Variants in GPR148 observed in about 807,000 individuals in gnomAD.
GPR148 encodes the protein G protein-coupled receptor 148.
For synonymous variants in GPR148, 173 were observed against 187.9 expected, an observed-to-expected ratio of 0.92 and a Z score of 0.65; for missense variants, 424 against 435.3, an observed-to-expected ratio of 0.97 and a Z score of 0.23.
At position 130,730,149 on chromosome 2, in the gene GPR148, G is replaced by T; in HGVS notation, c.998G>T (p.Gly333Val). 1 of 1,613,652 alleles carries T rather than the reference G, an allele frequency of 6.2e-7. No individual in the cohort carries two copies. ...RYRQLLGMVR[G>V]HLPSRRHQAI... is the part of the protein sequence containing the mutation. ...CGGCAGCTGTTGGGCATGGTCCGGG[G>T]CCACCTCCCATCCAGGAGGCACCAG... The change falls in exon 1 of 1, where the codon GGC becomes GTC. Residue 333 changes from glycine to valine, a missense_variant. Physicochemically the swap from Gly to Val is moderately radical, Grantham distance 109. Transcript: ENST00000309926.
At position 130,730,221 on chromosome 2, in the gene GPR148, G is replaced by A. The variant is rs1424276782; in HGVS notation, c.*26G>A. On this transcript the variant is annotated 3_prime_UTR_variant, in exon 1 of 1. Transcript: ENST00000309926. ...AGTTCTTGAGTCCACAGTCTGGCAA[G>A]CTGAGGTTAAAAATCATATGTTGAA... 6.4e-7 allele frequency: 1 copy of A among 1,568,114 alleles called. No individual in the cohort carries two copies. Among genetic ancestry groups the A allele is most frequent in the East Asian group, 2.3e-5 (1 of 43,402 alleles).
rs1334026419 is a variant in GPR148, at chr2:130,729,757, C to G, written c.606C>G (p.Ile202Met). ...AQLEEQGASY[I>M]LPPSMGTQPG... ...TGGAGGAGCAAGGAGCTTCATACAT[C>G]CTACCACCAAGCATGGGCACCCAGC... The change falls in exon 1 of 1, where the codon ATC (isoleucine) becomes ATG (methionine). Residue 202 changes from isoleucine to methionine, a missense_variant. Ile to Met is a conservative substitution (Grantham distance 10). Coordinates refer to ENST00000309926, the MANE Select transcript of GPR148 (RefSeq NM_207364.2). 1 of 1,613,918 alleles carries G rather than the reference C, an allele frequency of 6.2e-7. No homozygotes were observed. Among genetic ancestry groups the G allele is most frequent in the African/African-American group, 1.3e-5 (1 of 74,956 alleles).
In GPR148 at chr2:130,729,409, C is replaced by T. The variant is rs1185790961; in HGVS notation, c.258C>T (p.Tyr86=). Residue 86 remains tyrosine (Y), a synonymous_variant, in exon 1 of 1, where the codon TAC becomes TAT. Coordinates refer to ENST00000309926, the MANE Select transcript of GPR148 (RefSeq NM_207364.2). ...AACGGCTGCGACAGGAGCCCCACTA[C>T]CTGCTCCCGGCTAACATCCTGCTCT... ...RNQRLRQEPH[Y]LLPANILLSD... The T allele has an allele frequency of 2.5e-6, 4 of 1,614,274 alleles. No homozygotes were observed. Among genetic ancestry groups the T allele is most frequent in the African/African-American group, 1.3e-5 (1 of 75,078 alleles).
rs77336024 is a variant in GPR148 at position 130,729,427 on chromosome 2, C to T, written c.276C>T (p.Ile92=). Residue 92 remains isoleucine, a synonymous_variant, in exon 1 of 1, where the codon ATC becomes ATT. Coordinates refer to ENST00000309926, the MANE Select transcript of GPR148 (RefSeq NM_207364.2). The part of the protein sequence containing the change: ...QEPHYLLPAN[I]LLSDLAYILL... The stretch of plus-strand genomic sequence containing the variant: ...CCCACTACCTGCTCCCGGCTAACAT[C>T]CTGCTCTCAGACCTGGCCTACATTC... The T allele has an allele frequency of 1.2e-6, 2 of 1,614,276 alleles. No homozygotes were observed. Among genetic ancestry groups the T allele is most frequent in the East Asian group, 2.2e-5 (1 of 44,890 alleles).
At position 130,730,155 on chromosome 2, in the gene GPR148, T is replaced by C. The variant is rs1473108863; in HGVS notation, c.1004T>C (p.Leu335Pro). 3 of 1,613,452 alleles carry C rather than the reference T, an allele frequency of 1.9e-6. No homozygotes were observed. The highest frequency in any genetic ancestry group is 2.5e-6 in the Non-Finnish European group (3 of 1,179,868). The change falls in exon 1 of 1, where the codon CTC becomes CCC. Residue 335 changes from leucine to proline, a missense_variant. Transcript: ENST00000309926. Reference sequence around the variant, plus strand: ...CTGTTGGGCATGGTCCGGGGCCACCTCCCATCCAGGAGGCACCAGGCCATC... The same window carrying C: ...CTGTTGGGCATGGTCCGGGGCCACCCCCCATCCAGGAGGCACCAGGCCATC... ...RQLLGMVRGH[L>P]PSRRHQAIFT...
Position 130,730,168 on chromosome 2 carries a change from G to C in GPR148, c.1017G>C (p.Arg339Ser). The change falls in exon 1 of 1, where the codon AGG becomes AGC. Residue 339 changes from arginine to serine, a missense_variant. Coordinates refer to ENST00000309926, the MANE Select transcript of GPR148 (RefSeq NM_207364.2). Reference protein sequence around the residue: ...GMVRGHLPSRRHQAIFTIS With the variant: ...GMVRGHLPSRSHQAIFTIS ...TCCGGGGCCACCTCCCATCCAGGAG[G>C]CACCAGGCCATCTTTACCATTTCCT... 6.2e-7 allele frequency: 1 copy of C among 1,612,896 alleles called. No individual in the cohort carries two copies.
rs1688439006 is a variant in GPR148, at chr2:130,729,351, G to A, written c.200G>A (p.Ser67Asn). ...SLLAAATLAV[S>N]PLLLVTILRN... is the part of the protein sequence containing the mutation. ...CTGGCTGCAGCCACACTGGCTGTCA[G>A]CCCCCTGCTGCTGGTGACCATCCTG... Residue 67 changes from serine to asparagine, a missense_variant, in exon 1 of 1, where the codon AGC (serine) becomes AAC (asparagine). By Grantham distance (46) the Ser-to-Asn change is conservative. Coordinates refer to ENST00000309926, the MANE Select transcript of GPR148 (RefSeq NM_207364.2). The A allele has an allele frequency of 6.2e-7, 1 of 1,613,784 alleles. No homozygotes were observed. The highest frequency in any genetic ancestry group is 1.7e-5 in the Admixed American group (1 of 60,000).
the GPR148 span, chr2:130,730,029 ACT>A: frequency 2.5e-6 from 4 of 1,581,582 alleles, no homozygotes; most frequent in African/African-American, 1.3e-5. Flanking sequence ...CACCACATTG[ACT>A]CTGGGACTCA....
Position 130,729,272 on chromosome 2 carries a change from G to T in GPR148, c.121G>T (p.Asp41Tyr), listed in dbSNP as rs775827077. 1.1e-5 allele frequency: 18 copies of T among 1,611,654 alleles called. No homozygotes were observed. Among genetic ancestry groups the T allele is most frequent in the Non-Finnish European group, 1.5e-5 (18 of 1,178,402 alleles). ...AASNTSLGLG[D>Y]LRVPSSMLYW... is the part of the protein sequence containing the mutation. ...CAGCAACACTTCCTTGGGCCTGGGG[G>T]ACCTCAGGGTGCCCAGCTCCATGCT... The change falls in exon 1 of 1, where the codon GAC (aspartate) becomes TAC (tyrosine). Residue 41 changes from aspartate (D) to tyrosine (Y), a missense_variant. Physicochemically the swap from Asp to Tyr is radical, Grantham distance 160 (BLOSUM62 -3). Coordinates refer to ENST00000309926, the MANE Select transcript of GPR148 (RefSeq NM_207364.2).
In GPR148 at chr2:130,729,752, T is replaced by C. The variant is rs767571341; in HGVS notation, c.601T>C (p.Tyr201His). Residue 201 changes from tyrosine (Y) to histidine (H), a missense_variant, in exon 1 of 1, where the codon TAC becomes CAC. Coordinates refer to ENST00000309926, the MANE Select transcript of GPR148 (RefSeq NM_207364.2). Reference protein sequence around the residue: ...DAQLEEQGASYILPPSMGTQP... With the variant: ...DAQLEEQGASHILPPSMGTQP... ...CCAGCTGGAGGAGCAAGGAGCTTCA[T>C]ACATCCTACCACCAAGCATGGGCAC... is the stretch of plus-strand genomic sequence containing the variant. The C allele has an allele frequency of 1.1e-5, 18 of 1,614,120 alleles. No individual in the cohort carries two copies. The African/African-American group carries it at 1.9e-4, about 17-fold the overall frequency.
rs751576723 is a variant in GPR148 at position 130,729,333 on chromosome 2, C to T, written c.182C>T (p.Ala61Val). ...WLFLPSSLLA[A>V]ATLAVSPLLL... Reference sequence around the variant, plus strand: ...TTCCTTCCCTCAAGCCTGCTGGCTGCAGCCACACTGGCTGTCAGCCCCCTG... The same window carrying T: ...TTCCTTCCCTCAAGCCTGCTGGCTGTAGCCACACTGGCTGTCAGCCCCCTG... The change falls in exon 1 of 1, where the codon GCA becomes GTA. Residue 61 changes from alanine (A) to valine (V), a missense_variant. Ala to Val is a moderately conservative substitution (Grantham distance 64). Coordinates refer to ENST00000309926, the MANE Select transcript of GPR148 (RefSeq NM_207364.2). 17 of 1,613,792 alleles carry T rather than the reference C, an allele frequency of 1.1e-5. No individual in the cohort carries two copies. In the South Asian group the frequency reaches 1.8e-4, roughly 17 times the overall value.
Position 130,729,093 on chromosome 2 carries a change from C to A in GPR148, c.-59C>A. The A allele has an allele frequency of 6.9e-7, 1 of 1,443,320 alleles. No homozygotes were observed. Among genetic ancestry groups the A allele is most frequent in the Non-Finnish European group, 9.4e-7 (1 of 1,068,378 alleles). The allele number at this position is 1,443,320 out of a possible 1,614,324, so 89.4% of individuals were successfully genotyped here. On this transcript the variant is annotated 5_prime_UTR_variant, in exon 1 of 1. Coordinates refer to ENST00000309926, the MANE Select transcript of GPR148 (RefSeq NM_207364.2). Reference sequence around the variant, plus strand: ...AGGACCCCTGTGGGGCAGATCAACACTCAAGGCAGGTGCAGAATCAACAAC... The same window carrying A: ...AGGACCCCTGTGGGGCAGATCAACAATCAAGGCAGGTGCAGAATCAACAAC...
In GPR148 at chr2:130,729,097, A is replaced by T; in HGVS notation, c.-55A>T. 6.9e-7 allele frequency: 1 copy of T among 1,448,970 alleles called. No individual in the cohort carries two copies. The highest frequency in any genetic ancestry group is 2.3e-5 in the Admixed American group (1 of 44,292). The allele number at this position is 1,448,970 out of a possible 1,614,324, so 89.8% of individuals were successfully genotyped here. ...CCCCTGTGGGGCAGATCAACACTCA[A>T]GGCAGGTGCAGAATCAACAACCTGT... On this transcript the variant is annotated 5_prime_UTR_variant, in exon 1 of 1. The change creates a new upstream start codon in the 5' untranslated region. Transcript: ENST00000309926.
At position 130,729,823 on chromosome 2, in the gene GPR148, T is replaced by C; in HGVS notation, c.672T>C (p.Ile224=). ...TGGTCATTGTTACCTACACCTCCAT[T>C]CTGTGCGTTCTGTTCCTCTGCACAG... ...GLLVIVTYTS[I]LCVLFLCTAL... Residue 224 remains isoleucine, a synonymous_variant, in exon 1 of 1, where the codon ATT becomes ATC. Transcript: ENST00000309926. 1 of 1,602,896 alleles carries C rather than the reference T, an allele frequency of 6.2e-7. No homozygotes were observed.
chr2:130,730,114 G>C lies in GPR148; in HGVS notation c.963G>C (p.Leu321=). The C allele has an allele frequency of 6.2e-7, 1 of 1,613,118 alleles. No homozygotes were observed. Among genetic ancestry groups the C allele is most frequent in the Non-Finnish European group, 8.5e-7 (1 of 1,179,694 alleles). The change falls in exon 1 of 1, where the codon CTG becomes CTC. Residue 321 remains leucine (L), a synonymous_variant. Transcript: ENST00000309926. The part of the protein sequence containing the change: ...LPRAMLTYLY[L]LRYRQLLGMV... ...GTGCCATGCTCACATACCTGTACCT[G>C]CTCCGCTACCGGCAGCTGTTGGGCA...
rs780327331 is a variant in GPR148, at chr2:130,730,078, G to A, written c.927G>A (p.Met309Ile). 1 of 1,605,846 alleles carries A rather than the reference G, an allele frequency of 6.2e-7. No individual in the cohort carries two copies. The highest frequency in any genetic ancestry group is 8.5e-7 in the Non-Finnish European group (1 of 1,175,982). Residue 309 changes from methionine to isoleucine, a missense_variant, in exon 1 of 1, where the codon ATG becomes ATA. Physicochemically the swap from Met to Ile is conservative, Grantham distance 10. Transcript: ENST00000309926. ...WLLAANSEVL[M>I]MLPRAMLTYL... ...TGGCAGCTAACAGTGAGGTACTCAT[G>A]ATGCTTCCCCGTGCCATGCTCACAT...
Position 130,730,215 on chromosome 2 carries a change from T to G in GPR148, c.*20T>G. 1.9e-6 allele frequency: 3 copies of G among 1,583,776 alleles called. No individual in the cohort carries two copies. The highest frequency in any genetic ancestry group is 1.7e-4 in the Middle Eastern group (1 of 5,998). On this transcript the variant is annotated 3_prime_UTR_variant, in exon 1 of 1. Coordinates refer to ENST00000309926, the MANE Select transcript of GPR148 (RefSeq NM_207364.2). ...TCCTAGAGTTCTTGAGTCCACAGTC[T>G]GGCAAGCTGAGGTTAAAAATCATAT...
chr2:130,729,394 A>G lies in GPR148; in HGVS notation c.243A>G (p.Arg81=). Residue 81 remains arginine (R), a synonymous_variant, in exon 1 of 1, where the codon CGA becomes CGG. Transcript: ENST00000309926. ...LVTILRNQRL[R]QEPHYLLPAN... ...CCATCCTGCGGAACCAACGGCTGCG[A>G]CAGGAGCCCCACTACCTGCTCCCGG... 1 of 1,614,208 alleles carries G rather than the reference A, an allele frequency of 6.2e-7. No individual in the cohort carries two copies. Among genetic ancestry groups the G allele is most frequent in the Non-Finnish European group, 8.5e-7 (1 of 1,180,034 alleles).
Position 130,729,284 on chromosome 2 carries a change from C to T in GPR148, c.133C>T (p.Pro45Ser). The T allele has an allele frequency of 6.2e-7, 1 of 1,612,392 alleles. No homozygotes were observed. The highest frequency in any genetic ancestry group is 8.5e-7 in the Non-Finnish European group (1 of 1,178,834). Residue 45 changes from proline to serine, a missense_variant, in exon 1 of 1, where the codon CCC becomes TCC. Pro to Ser is a moderately conservative substitution (Grantham distance 74). Coordinates refer to ENST00000309926, the MANE Select transcript of GPR148 (RefSeq NM_207364.2). ...CTTGGGCCTGGGGGACCTCAGGGTGCCCAGCTCCATGCTGTACTGGCTTTT... is the reference window on the plus strand; with the variant it reads ...CTTGGGCCTGGGGGACCTCAGGGTGTCCAGCTCCATGCTGTACTGGCTTTT... ...TSLGLGDLRV[P>S]SSMLYWLFLP...
Sources: gnomAD v4.1 joint callset for allele counts on GRCh38, gnomAD v4.1.1 for gene constraint, MANE v1.5 for transcripts, NCBI Gene and HGNC (gene_info 2026-07-23, HGNC 2026-07-21) for gene names.